Variants in RYR2 observed in about 807,000 individuals in gnomAD.
The protein encoded by RYR2 is ryanodine receptor 2, also known as cardiac muscle ryanodine receptor-calcium release channel.
RYR2 carries 227 observed loss-of-function variants against 601.1 expected under a neutral mutation model. The ratio of observed to expected loss-of-function variants is 0.38; its 90% CI spans 0.34 to 0.42. The LOEUF (loss-of-function observed/expected upper bound fraction) is 0.42. Ranked by LOEUF, RYR2 falls within the 10% of genes least tolerant of loss-of-function variation. The pLI, the probability that RYR2 is intolerant of heterozygous loss-of-function variation, is 1.00. For missense variants in RYR2, 4,646 were observed against 6,156.5 expected, an observed-to-expected ratio of 0.75 and a Z score of 8.21; for synonymous variants, 2,223 against 2,175.1, an observed-to-expected ratio of 1.02 and a Z score of -0.61.
chr1:237,407,289 A>G (rs1703990740), intron 10 of RYR2, among the ~76,000 whole-genome samples: 1 of 152,192 alleles, frequency 6.6e-6, no homozygotes, highest in Non-Finnish European at 1.5e-5. Flanking sequence ...TTTTGTATAG[A>G]CCTAATTTAT....
At position 237,623,805 on chromosome 1, in the gene RYR2, G is replaced by A; in HGVS notation, c.5957G>A (p.Cys1986Tyr). ...LLNFKDDKSE[C>Y]PCPEEIRDQL... ...AATTTTAAGGATGACAAAAGTGAAT[G>A]TCCATGTCCAGAAGAAATTCGTGAC... Residue 1986 changes from cysteine (C) to tyrosine (Y), a missense_variant, in exon 39 of 105, where the codon TGT becomes TAT. Physicochemically the swap from Cys to Tyr is radical, Grantham distance 194. Coordinates refer to ENST00000366574, the MANE Select transcript of RYR2 (RefSeq NM_001035.3). The A allele has an allele frequency of 1.2e-6, 2 of 1,613,342 alleles. No homozygotes were observed. The highest frequency in any genetic ancestry group is 1.7e-6 in the Non-Finnish European group (2 of 1,179,394).
Position 237,625,797 on chromosome 1 carries a change from A to G in RYR2, c.6159A>G (p.Lys2053=), listed in dbSNP as rs779498979. ...QAEKPVESDS[K]KSSTLQQLIS... ...AAAAACCAGTTGAGAGTGACTCCAA[A>G]AAGTCCTGTAAGCAGTATGAGAGTG... The change falls in exon 40 of 105, where the codon AAA becomes AAG. Residue 2053 remains lysine (K), a synonymous_variant. Coordinates refer to ENST00000366574, the MANE Select transcript of RYR2 (RefSeq NM_001035.3). The G allele has an allele frequency of 5.0e-6, 8 of 1,613,482 alleles. No homozygotes were observed. The highest frequency in any genetic ancestry group is 5.9e-6 in the Non-Finnish European group (7 of 1,179,664).
chr1:237,784,720 C>A lies in RYR2; in HGVS notation c.13008C>A (p.Asp4336Glu), dbSNP rs777598947. 6.2e-7 allele frequency: 1 copy of A among 1,605,656 alleles called. No individual in the cohort carries two copies. Among genetic ancestry groups the A allele is most frequent in the Non-Finnish European group, 8.5e-7 (1 of 1,175,080 alleles). The change falls in exon 90 of 105, where the codon GAC (aspartate) becomes GAA (glutamate). Residue 4336 changes from aspartate to glutamate, a missense_variant. Coordinates refer to ENST00000366574, the MANE Select transcript of RYR2 (RefSeq NM_001035.3). The surrounding 1 kb of genome is among the most constrained non-coding windows in gnomAD (Gnocchi z 7.1). ...CAGAACTGTTAGCCAACATGCCAGA[C>A]CCCACTCAGGATGAGGTTAGAGGAG... ...KVAELLANMPDPTQDEVRGDG... is the reference protein window; with the variant it reads ...KVAELLANMPEPTQDEVRGDG...
chr1:237,816,151 G>T (rs1424861029), intron 100 of RYR2, among the ~76,000 whole-genome samples: 1 of 152,130 alleles, frequency 6.6e-6, no homozygotes, highest in South Asian at 2.1e-4. Context: ...TTGGAATGGG[G>T]ACCCAAGAGA....
intron 1 of RYR2, among the ~76,000 whole-genome samples, chr1:237,256,611 G>A (rs1177623266): frequency 1.3e-5 from 2 of 152,140 alleles, no homozygotes; most frequent in Admixed American, 6.5e-5. Context: ...TGTGAAAGCG[G>A]TAATTGAAGA....
At chr1:237,235,601 C>G (rs953002570) in intron 1 of RYR2, among the ~76,000 whole-genome samples, 1 of 152,142 alleles carries the variant, frequency 6.6e-6, no homozygotes, top group African/African-American at 2.4e-5. Flanking sequence ...GTTTTCCAAA[C>G]AGTTGGAAAA....
intron 1 of RYR2, among the ~76,000 whole-genome samples, chr1:237,256,123 C>T (rs1687944835): frequency 6.6e-6 from 1 of 152,022 alleles, no homozygotes; most frequent in Non-Finnish European, 1.5e-5. Flanking sequence ...GGGGCAGTTT[C>T]CCCCATACTG....
At chr1:237,135,917 C>T (rs747427627) in intron 1 of RYR2, among the ~76,000 whole-genome samples, 7 of 152,188 alleles carry the variant, frequency 4.6e-5, no homozygotes, top group Non-Finnish European at 8.8e-5. Context: ...GTGGCTACTC[C>T]TCTGCTTGGC....
intron 84 of RYR2, among the ~76,000 whole-genome samples, chr1:237,762,429 G>C (rs1371030791): frequency 6.6e-6 from 1 of 152,154 alleles, no homozygotes; most frequent in Non-Finnish European, 1.5e-5. Flanking sequence ...TGAAGTCTCT[G>C]TCCAAAGCCT....
At chr1:237,601,821 C>T (rs1398559605) in intron 34 of RYR2, among the ~76,000 whole-genome samples, 3 of 152,146 alleles carry the variant, frequency 2.0e-5, no homozygotes, top group African/African-American at 4.8e-5. Context: ...TTAAGCCCTT[C>T]AGAGTAAACA....
intron 1 of RYR2, among the ~76,000 whole-genome samples, chr1:237,099,007 A>G (rs1408428345): frequency 6.6e-6 from 1 of 152,094 alleles, no homozygotes; most frequent in Non-Finnish European, 1.5e-5. Context: ...TCAGACAACC[A>G]CTGCGCTTCT....
intron 2 of RYR2, among the ~76,000 whole-genome samples, chr1:237,287,341 T>G (rs1281379800): frequency 1.3e-5 from 2 of 152,334 alleles, no homozygotes; most frequent in East Asian, 3.9e-4. Context: ...GCTTCTGTAT[T>G]TGGATGTCTA....
chr1:237,147,615 A>C (rs1409909689), intron 1 of RYR2, among the ~76,000 whole-genome samples: 2 of 152,236 alleles, frequency 1.3e-5, no homozygotes, highest in African/African-American at 4.8e-5. Context: ...CTTTTCACTA[A>C]GAGATGTCTG....
intron 1 of RYR2, among the ~76,000 whole-genome samples, chr1:237,192,597 C>T (rs1484956466): frequency 6.6e-6 from 1 of 152,202 alleles, no homozygotes; most frequent in African/African-American, 2.4e-5. Context: ...ACCACACATT[C>T]TACTAGTAGG....
At chr1:237,100,390 CCTCTCT>C (rs34925489) in intron 1 of RYR2, among the ~76,000 whole-genome samples, 1 of 146,116 alleles carries the variant, frequency 6.8e-6, no homozygotes, top group South Asian at 2.2e-4. Context: ...TTTTTTCTTT[CCTCTCT>C]CTCTCTCTCT....
chr1:237,570,178 A>G (rs1007555678), intron 29 of RYR2, among the ~76,000 whole-genome samples: 6 of 148,126 alleles, frequency 4.1e-5, no homozygotes, highest in African/African-American at 1.5e-4. Context: ...AGATCACGCC[A>G]TGGCACTCCA....
At chr1:237,460,271 G>A (rs545093127) in intron 16 of RYR2, among the ~76,000 whole-genome samples, 5 of 152,058 alleles carry the variant, frequency 3.3e-5, no homozygotes, top group South Asian at 4.2e-4. Context: ...CAAATACAAC[G>A]CTTCTCGCAT....
Position 237,566,749 on chromosome 1 carries a change from C to G in RYR2, c.3397C>G (p.Arg1133Gly), listed in dbSNP as rs748085424. The stretch of plus-strand genomic sequence containing the variant: ...GGATCAGGAGCTTGGCTCAGATGAA[C>G]GTGCCTTTGCCTTTGATGGCTTCAA... ...QPDQELGSDE[R>G]AFAFDGFKAQ... Residue 1133 changes from arginine (R) to glycine (G), a missense_variant, in exon 28 of 105, where the codon CGT becomes GGT. Physicochemically the swap from Arg to Gly is moderately radical, Grantham distance 125. Transcript: ENST00000366574. The G allele has an allele frequency of 1.9e-6, 3 of 1,613,956 alleles. No individual in the cohort carries two copies. The highest frequency in any genetic ancestry group is 2.5e-6 in the Non-Finnish European group (3 of 1,179,860).
intron 2 of RYR2, among the ~76,000 whole-genome samples, chr1:237,291,358 A>G (rs1171209961): frequency 6.6e-6 from 1 of 152,148 alleles, no homozygotes; most frequent in African/African-American, 2.4e-5. Flanking sequence ...TGGAACAGCC[A>G]CTTTGGAGAA....
Sources: allele counts gnomAD v4.1 joint callset (sites outside exome capture counted in the v4.1 genomes callset), GRCh38; gene constraint gnomAD v4.1.1; non-coding constraint Gnocchi (gnomAD v3.1); transcripts MANE v1.5; gene names NCBI Gene and HGNC (gene_info 2026-07-23, HGNC 2026-07-21).